Variants in RAD54B observed in about 807,000 individuals in gnomAD.
RAD54B encodes RAD54 homolog B.
RAD54B carries 78 observed loss-of-function variants against 95.8 expected under a neutral mutation model. That is an observed-to-expected ratio of 0.81 (90% CI 0.68 to 0.98). The LOEUF (loss-of-function observed/expected upper bound fraction) is 0.98. RAD54B is among the 50% of genes least tolerant of loss of function. The probability of loss-of-function intolerance (pLI) is 0.00; values close to 1 mark genes in which losing one functional copy is unlikely to be tolerated. For synonymous variants in RAD54B, 328 were observed against 354.9 expected, an observed-to-expected ratio of 0.92 and a Z score of 0.85; for missense variants, 957 against 1,056.6, an observed-to-expected ratio of 0.91 and a Z score of 1.31.
chr8:94,396,886 C>T (rs1034798053), intron 8 of RAD54B, among the ~76,000 whole-genome samples: 3 of 152,016 alleles, frequency 2.0e-5, no homozygotes, highest in East Asian at 1.9e-4. Flanking sequence ...AGATACTCCA[C>T]GAATACATTT....
intron 5 of RAD54B, among the ~76,000 whole-genome samples, chr8:94,404,461 A>C (rs1811337342): frequency 1.3e-5 from 2 of 152,232 alleles, no homozygotes; most frequent in Non-Finnish European, 2.9e-5. Context: ...AGAGCCTTCC[A>C]AACTTCATAT....
intron 1 of RAD54B, among the ~76,000 whole-genome samples, chr8:94,471,293 A>G (rs1448412679): frequency 6.6e-6 from 1 of 152,156 alleles, no homozygotes. Context: ...CTTTAAAAAA[A>G]TGTTTAATGA....
intron 1 of RAD54B, among the ~76,000 whole-genome samples, chr8:94,468,835 A>AG (rs1181313523): frequency 6.6e-6 from 1 of 152,054 alleles, no homozygotes; most frequent in East Asian, 1.9e-4. Flanking sequence ...TCAAAAAAAA[A>AG]AAGATAAGAG....
At chr8:94,473,461 A>AG (rs1260725031) in intron 1 of RAD54B, among the ~76,000 whole-genome samples, 2 of 152,202 alleles carry the variant, frequency 1.3e-5, no homozygotes, top group African/African-American at 4.8e-5. Flanking sequence ...CATCTTTAAG[A>AG]GGGGGTACCA....
chr8:94,378,124 C>T (rs990075731), intron 14 of RAD54B, 56 bp downstream of exon 14: 20 of 1,282,936 alleles, frequency 1.6e-5, no homozygotes, highest in African/African-American at 6.1e-5. Flanking sequence ...TTTTCAACTG[C>T]TAACAAGAAA....
In RAD54B at chr8:94,439,195, A is replaced by G. The variant is rs571449438; in HGVS notation, c.304+19073T>C. Among the ~76,000 whole-genome samples the G allele has an allele frequency of 1.6e-4, 25 of 152,322 alleles. No individual in the cohort carries two copies. In the South Asian group the frequency reaches 5.0e-3, roughly 30 times the overall value. The stretch of plus-strand genomic sequence containing the variant: ...GTGTAAAATGACATTTTGGATGGTG[A>G]TCTGGAAGTATCTACTAATATTTTA... On this transcript the variant is annotated intron_variant, in intron 3 of 14. Transcript: ENST00000336148.
intron 10 of RAD54B, among the ~76,000 whole-genome samples, chr8:94,388,386 A>G (rs1358122883): frequency 6.6e-6 from 1 of 152,300 alleles, no homozygotes; most frequent in East Asian, 1.9e-4. Flanking sequence ...AAAATACAGT[A>G]TATAATATAC....
chr8:94,449,446 A>G (rs143770352), intron 3 of RAD54B, among the ~76,000 whole-genome samples: 1 of 151,984 alleles, frequency 6.6e-6, no homozygotes, highest in Non-Finnish European at 1.5e-5. Flanking sequence ...GTTTCCACTA[A>G]AAAAATACAA....
intron 3 of RAD54B, among the ~76,000 whole-genome samples, chr8:94,413,575 A>G (rs1038540075): frequency 4.6e-5 from 7 of 152,236 alleles, no homozygotes; most frequent in Non-Finnish European, 5.9e-5. Context: ...ACCTAAATGT[A>G]AAACCTAAAA....
Position 94,404,231 on chromosome 8 carries a change from C to A in RAD54B, c.790G>T (p.Val264Phe), listed in dbSNP as rs1248667343. The A allele has an allele frequency of 1.3e-6, 2 of 1,583,422 alleles. No homozygotes were observed. Among genetic ancestry groups the A allele is most frequent in the Non-Finnish European group, 1.7e-6 (2 of 1,169,682 alleles). Residue 264 changes from valine to phenylalanine, a missense_variant, in exon 6 of 15, where the codon GTT (valine) becomes TTT (phenylalanine). Transcript: ENST00000336148. ...TGATTCTTATCTGGTCGTGGCATAA[C>A]GAGGGAATCTTAAAAAATGATAAAA... ...RHDPYTPNSL[V>F]MPRPDKNHQW...
intron 9 of RAD54B, among the ~76,000 whole-genome samples, chr8:94,392,814 T>G (rs982242125): frequency 1.5e-5 from 2 of 136,652 alleles, no homozygotes; most frequent in African/African-American, 5.5e-5. Context: ...CCCTATACCC[T>G]ATAGCTAAGT....
chr8:94,391,967 G>C, intron 9 of RAD54B, 68 bp from the exon 10 acceptor site: 2 of 1,359,436 alleles, frequency 1.5e-6, no homozygotes, highest in Non-Finnish European at 1.0e-6. Flanking sequence ...GAACATTAAA[G>C]ATTTCATAAT....
chr8:94,432,597 T>G (rs1422120874), intron 3 of RAD54B: 9 of 1,549,984 alleles, frequency 5.8e-6, no homozygotes, highest in African/African-American at 1.4e-5. Context: ...AACAGGATGG[T>G]GATCCAACAT....
chr8:94,459,595 C>T (rs1812855339), intron 2 of RAD54B, among the ~76,000 whole-genome samples: 1 of 152,100 alleles, frequency 6.6e-6, no homozygotes, highest in Non-Finnish European at 1.5e-5. Flanking sequence ...CGCAGTGGCT[C>T]ACGCCTGTAA....
In RAD54B at chr8:94,432,393, C is replaced by G. The variant is rs781604631; in HGVS notation, c.305-21078G>C. On this transcript the variant is annotated intron_variant, in intron 3 of 14. Transcript: ENST00000336148. ...ACTCTCATGCCGAAAAAAATCATCT[C>G]TCCTTGGAATAGAAGATGGAGACGA... 10 of 1,550,426 alleles carry G rather than the reference C, an allele frequency of 6.4e-6. No individual in the cohort carries two copies. In the South Asian group the frequency reaches 1.1e-4, roughly 17 times the overall value.
intron 3 of RAD54B, among the ~76,000 whole-genome samples, chr8:94,416,020 A>C (rs1304451265): frequency 6.7e-6 from 1 of 148,986 alleles, no homozygotes; most frequent in Non-Finnish European, 1.5e-5. Flanking sequence ...TACTGGGTAT[A>C]TACCCAAAGG....
intron 3 of RAD54B, among the ~76,000 whole-genome samples, chr8:94,414,485 T>C (rs1811605569): frequency 6.6e-6 from 1 of 152,152 alleles, no homozygotes; most frequent in Non-Finnish European, 1.5e-5. Context: ...GCTCTTATTA[T>C]TTTGAGATAT....
At chr8:94,457,158 T>C (rs1267096733) in intron 3 of RAD54B, among the ~76,000 whole-genome samples, 3 of 152,222 alleles carry the variant, frequency 2.0e-5, no homozygotes, top group East Asian at 1.9e-4. Flanking sequence ...GATCATTTTC[T>C]ACCTCGGGCT....
At position 94,438,561 on chromosome 8, in the gene RAD54B, T is replaced by C. The variant is rs1812325634; in HGVS notation, c.304+19707A>G. ...TTAAAAGAGAACCAAAGAAAGAACA[T>C]AGGGTATATACTTTATTTAGATAAT... On this transcript the variant is annotated intron_variant, in intron 3 of 14. Coordinates refer to ENST00000336148, the MANE Select transcript of RAD54B (RefSeq NM_012415.3). Among the ~76,000 whole-genome samples, 2 of 152,144 alleles carry C rather than the reference T, an allele frequency of 1.3e-5. 1 individual carries two copies. The highest frequency in any genetic ancestry group is 4.1e-4 in the South Asian group (2 of 4,832).
Sources: allele counts gnomAD v4.1 joint callset (sites outside exome capture counted in the v4.1 genomes callset), GRCh38; gene constraint gnomAD v4.1.1; transcripts MANE v1.5; gene names NCBI Gene and HGNC (gene_info 2026-07-23, HGNC 2026-07-21).